Variants in MYRIP observed in about 807,000 individuals in gnomAD.
MYRIP encodes myosin VIIA and Rab interacting protein.
A neutral mutation model predicts 98.0 loss-of-function variants in MYRIP; 49 were observed. That is an observed-to-expected ratio of 0.50 (90% confidence interval 0.40 to 0.63). MYRIP has a LOEUF of 0.63. Among genes scored for constraint, MYRIP ranks in the 30% least tolerant of loss-of-function variants. MYRIP has a pLI of 0.00. For synonymous variants in MYRIP, 404 were observed against 409.5 expected, an observed-to-expected ratio of 0.99 and a Z score of 0.16; for missense variants, 1,004 against 1,058.2, an observed-to-expected ratio of 0.95 and a Z score of 0.71.
intron 2 of MYRIP, among the ~76,000 whole-genome samples, chr3:39,922,483 G>A (rs982612675): frequency 7.2e-5 from 11 of 152,208 alleles, no homozygotes; most frequent in East Asian, 1.9e-4. Flanking sequence ...AAGAAACAAG[G>A]AAGCTCCCTC....
chr3:40,047,510 C>T (rs1156774963), intron 3 of MYRIP, among the ~76,000 whole-genome samples: 2 of 152,162 alleles, frequency 1.3e-5, no homozygotes, highest in Non-Finnish European at 2.9e-5. Flanking sequence ...CACACCCACA[C>T]TTGTTTAATC....
chr3:39,986,447 TC>T (rs1946034187), intron 2 of MYRIP, among the ~76,000 whole-genome samples: 1 of 150,072 alleles, frequency 6.7e-6, no homozygotes, highest in African/African-American at 2.5e-5. Flanking sequence ...TCTCTCCCTC[TC>T]TCTCTCCCTC....
chr3:40,102,900 A>G (rs1157363054), intron 3 of MYRIP, among the ~76,000 whole-genome samples: 1 of 152,020 alleles, frequency 6.6e-6, no homozygotes, highest in Non-Finnish European at 1.5e-5. Flanking sequence ...AAAGTTTTAC[A>G]AGACAGTACT....
At chr3:40,147,668 ATAGT>A (rs1221919223) in intron 3 of MYRIP, among the ~76,000 whole-genome samples, 3 of 152,132 alleles carry the variant, frequency 2.0e-5, no homozygotes, top group African/African-American at 7.2e-5. Context: ...CATTTGCTTC[ATAGT>A]TAGACCATAT....
chr3:40,057,896 C>T (rs1947916179), intron 3 of MYRIP, among the ~76,000 whole-genome samples: 1 of 152,108 alleles, frequency 6.6e-6, no homozygotes, highest in African/African-American at 2.4e-5. Flanking sequence ...TTATTTAACC[C>T]TTCTGAGTTT....
At chr3:40,155,974 T>C (rs1254374300) in intron 4 of MYRIP, among the ~76,000 whole-genome samples, 7 of 152,198 alleles carry the variant, frequency 4.6e-5, no homozygotes, top group African/African-American at 1.7e-4. Context: ...TTTCTTTTGC[T>C]GTGCAGAAGC....
intron 1 of MYRIP, among the ~76,000 whole-genome samples, chr3:39,841,859 C>T (rs749396632): frequency 1.3e-5 from 2 of 152,298 alleles, no homozygotes; most frequent in South Asian, 4.1e-4. Context: ...CCCGCAGATG[C>T]CAGCTGGAGC....
chr3:40,174,182 G>C (rs2125603795), intron 8 of MYRIP: 1 of 152,306 alleles, frequency 6.6e-6, no homozygotes, highest in South Asian at 2.1e-4. Flanking sequence ...TGGCTTAACA[G>C]TGTAACCACC....
At chr3:40,170,156 C>T (rs1443846747) in intron 8 of MYRIP, 63 bp downstream of exon 8, 24 of 1,566,562 alleles carry the variant, frequency 1.5e-5, no homozygotes, top group Non-Finnish European at 2.1e-5. Context: ...CACATTTAAC[C>T]CTCTGTAGTT....
chr3:40,115,400 C>T (rs2049521), intron 3 of MYRIP, among the ~76,000 whole-genome samples: 7,160 of 152,170 alleles, frequency 0.047, 230 homozygotes, highest in Non-Finnish European at 0.063. Context: ...TGGAAGGCAC[C>T]TTTCACAGGG....
At chr3:40,045,117 C>T (rs1467078408) in intron 3 of MYRIP, among the ~76,000 whole-genome samples, 1 of 152,088 alleles carries the variant, frequency 6.6e-6, no homozygotes, top group Non-Finnish European at 1.5e-5. Flanking sequence ...CACTCAGAAG[C>T]CCCTGCCTCC....
At chr3:39,889,769 T>G (rs1943433330) in intron 1 of MYRIP, among the ~76,000 whole-genome samples, 1 of 152,210 alleles carries the variant, frequency 6.6e-6, no homozygotes, top group African/African-American at 2.4e-5. Flanking sequence ...GTTGAATTTA[T>G]TCAGTGTTTT....
chr3:40,035,534 G>A (rs1439776699), intron 2 of MYRIP, among the ~76,000 whole-genome samples: 1 of 151,986 alleles, frequency 6.6e-6, no homozygotes, highest in Non-Finnish European at 1.5e-5. Flanking sequence ...CCAATAGACG[G>A]ATTTGTGCCG....
chr3:39,869,493 T>C (rs920337447), intron 1 of MYRIP, among the ~76,000 whole-genome samples: 4 of 152,216 alleles, frequency 2.6e-5, no homozygotes, highest in African/African-American at 9.6e-5. Flanking sequence ...CATGGTTTCT[T>C]TTAGTTCTTT....
intron 2 of MYRIP, among the ~76,000 whole-genome samples, chr3:39,955,638 G>A (rs1945137307): frequency 6.6e-6 from 1 of 152,120 alleles, no homozygotes; most frequent in African/African-American, 2.4e-5. Flanking sequence ...AAAATAACCA[G>A]CTAACATCAT....
chr3:40,062,091 T>C (rs1043644871), intron 3 of MYRIP, among the ~76,000 whole-genome samples: 7 of 152,248 alleles, frequency 4.6e-5, no homozygotes, highest in African/African-American at 1.7e-4. Context: ...CAGAAGCTCT[T>C]AAGTTGAATT....
intron 1 of MYRIP, among the ~76,000 whole-genome samples, chr3:39,869,089 G>A (rs532268917): frequency 2.0e-5 from 3 of 152,222 alleles, no homozygotes; most frequent in Non-Finnish European, 2.9e-5. Flanking sequence ...CTGGATGTGC[G>A]ATTAATACTT....
chr3:39,885,868 C>G (rs1281408614), intron 1 of MYRIP, among the ~76,000 whole-genome samples: 1 of 152,038 alleles, frequency 6.6e-6, no homozygotes, highest in East Asian at 1.9e-4. Context: ...AAGCACTTCT[C>G]TGTGTTGGTT....
intron 3 of MYRIP, among the ~76,000 whole-genome samples, chr3:40,058,165 A>T (rs1947921804): frequency 1.3e-5 from 2 of 152,036 alleles, no homozygotes; most frequent in South Asian, 4.1e-4. Context: ...AATTCCCATA[A>T]TTTTTTTCCC....
Sources: gnomAD v4.1 joint callset for allele counts (sites outside exome capture counted in the v4.1 genomes callset) on GRCh38, gnomAD v4.1.1 for gene constraint, MANE v1.5 for transcripts, NCBI Gene and HGNC (gene_info 2026-07-23, HGNC 2026-07-21) for gene names.